Variants in RUVBL1 observed in about 807,000 individuals in gnomAD.
The protein encoded by RUVBL1 is RuvB like AAA ATPase 1.
Under a neutral mutation model 52.4 loss-of-function variants are expected in RUVBL1, and 4 were observed. That is an observed-to-expected ratio of 0.08 (90% CI 0.04 to 0.17). The LOEUF is 0.17. RUVBL1 is among the 10% of genes least tolerant of loss of function. The probability of loss-of-function intolerance (pLI) is 1.00; values close to 1 mark genes in which losing one functional copy is unlikely to be tolerated. For missense variants in RUVBL1, 298 were observed against 572.8 expected (o/e 0.52, Z 4.90); for synonymous variants, 217 against 214.4 (o/e 1.01, Z -0.10).
chr3:128,148,107 T>G (rs1189209509), intron 1 of RUVBL1, among the ~76,000 whole-genome samples: 2 of 150,624 alleles, frequency 1.3e-5, no homozygotes, highest in Non-Finnish European at 3.0e-5. Context: ...GTAGGAGGGG[T>G]TGATCATAAA....
chr3:128,117,310 G>T (rs1266561612), intron 2 of RUVBL1, among the ~76,000 whole-genome samples: 1 of 152,130 alleles, frequency 6.6e-6, no homozygotes, highest in Non-Finnish European at 1.5e-5. Context: ...TCTAGCCCAG[G>T]GTTTCTCAGC....
rs138313088 is a variant in RUVBL1 at position 128,107,944 on chromosome 3, G to A, written c.362-3020C>T. On this transcript the variant is annotated intron_variant, in intron 3 of 10. Coordinates refer to ENST00000322623, the MANE Select transcript of RUVBL1 (RefSeq NM_003707.3). ...CAAGGAGGGGAAGAAAGACATTCCC[G>A]TCTCTCACTAGCCCCCACATTTGTT... 7.8e-3 allele frequency among the ~76,000 whole-genome samples: 1,194 copies of A among 152,274 alleles called. 33 individuals carry two copies. The highest frequency in any genetic ancestry group is 0.075 in the East Asian group (387 of 5,180).
chr3:128,097,407 C>T lies in RUVBL1; in HGVS notation c.909G>A (p.Glu303=), dbSNP rs146101043. 3.1e-4 allele frequency: 503 copies of T among 1,614,150 alleles called. 1 individual carries two copies. In the African/African-American group the frequency reaches 5.9e-3, roughly 19 times the overall value. Residue 303 remains glutamate, a synonymous_variant, in exon 8 of 11, where the codon GAG becomes GAA. Transcript: ENST00000322623. ...AGCACTCAATGTCCAGCATGTGGACCTCATCAACAAACAGCACACCCGGGA... is the reference window on the plus strand; with the variant it reads ...AGCACTCAATGTCCAGCATGTGGACTTCATCAACAAACAGCACACCCGGGA... ...ELVPGVLFVD[E]VHMLDIECFT... is the part of the protein sequence containing the mutation.
chr3:128,138,290 T>A lies in RUVBL1; in HGVS notation c.-40+14913A>T, dbSNP rs113824550. On this transcript the variant is annotated intron_variant, in intron 1 of 9. Coordinates refer to the RUVBL1 transcript ENST00000464873. ...ATATGATCTTATATTTACAAAAAACTAAAGATTACATGCACACACACACAA... is the reference window on the plus strand; with the variant it reads ...ATATGATCTTATATTTACAAAAAACAAAAGATTACATGCACACACACACAA... Among the ~76,000 whole-genome samples, 534 of 151,994 alleles carry A rather than the reference T, an allele frequency of 3.5e-3. 1 individual carries two copies. The highest frequency in any genetic ancestry group is 0.012 in the African/African-American group (495 of 41,528).
rs78515864 is a variant in RUVBL1 at position 128,097,466 on chromosome 3, T to C, written c.850A>G (p.Asn284Asp). 6.2e-7 allele frequency: 1 copy of C among 1,614,184 alleles called. No individual in the cohort carries two copies. Among genetic ancestry groups the C allele is most frequent in the Non-Finnish European group, 8.5e-7 (1 of 1,180,034 alleles). The change falls in exon 8 of 11, where the codon AAC (asparagine) becomes GAC (aspartate). Residue 284 changes from asparagine to aspartate, a missense_variant. Physicochemically the swap from Asn to Asp is conservative, Grantham distance 23. Around this residue, in one of 5 missense-constraint regions of RUVBL1, gnomAD observed 161 missense variants for 298.3 expected, o/e 0.54. Transcript: ENST00000322623. ...KLRGEINKVV[N>D]KYIDQGIAEL... The stretch of plus-strand genomic sequence containing the variant: ...GCAATGCCCTGGTCGATGTACTTGT[T>C]CACCACCTTATTAATCTCCCCTCGA...
chr3:128,092,847 A>C (rs544912411), intron 8 of RUVBL1, among the ~76,000 whole-genome samples: 1 of 152,312 alleles, frequency 6.6e-6, no homozygotes, highest in East Asian at 1.9e-4. Flanking sequence ...TCCTAGGTAC[A>C]TAACCGAAAG....
intron 4 of RUVBL1, among the ~76,000 whole-genome samples, chr3:128,102,140 C>A (rs1943121855): frequency 6.6e-6 from 1 of 152,244 alleles, no homozygotes; most frequent in Admixed American, 6.5e-5. Context: ...CCTGCCAGCA[C>A]CTGCTTACCA....
chr3:128,139,794 C>T (rs1009472582), intron 1 of RUVBL1, among the ~76,000 whole-genome samples: 4 of 152,126 alleles, frequency 2.6e-5, no homozygotes, highest in Non-Finnish European at 5.9e-5. Context: ...TTTGTATGTT[C>T]TCACTCATTT....
At chr3:128,137,752 C>A (rs929729014) in intron 1 of RUVBL1, among the ~76,000 whole-genome samples, 1 of 152,160 alleles carries the variant, frequency 6.6e-6, no homozygotes, top group African/African-American at 2.4e-5. Context: ...AAGACAACTA[C>A]AGGCCAATAT....
intron 1 of RUVBL1, among the ~76,000 whole-genome samples, chr3:128,152,962 C>A (rs1456820058): frequency 3.0e-5 from 1 of 33,512 alleles, no homozygotes; most frequent in Non-Finnish European, 5.9e-5. Flanking sequence ...CTTCCCGCCC[C>A]CCCCGCCCCC....
At chr3:128,150,607 C>A (rs1944171222) in intron 1 of RUVBL1, among the ~76,000 whole-genome samples, 1 of 124,920 alleles carries the variant, frequency 8.0e-6, no homozygotes, top group East Asian at 2.1e-4. Flanking sequence ...TTTGACAGAA[C>A]TAATAGAATA....
intron 5 of RUVBL1, among the ~76,000 whole-genome samples, chr3:128,101,323 A>AT (rs1427226446): frequency 6.6e-6 from 1 of 152,118 alleles, no homozygotes; most frequent in East Asian, 1.9e-4. Context: ...AGGTTTTAGT[A>AT]TTTTTTCTAA....
intron 8 of RUVBL1, among the ~76,000 whole-genome samples, chr3:128,091,805 A>G (rs1289900034): frequency 6.6e-6 from 1 of 152,206 alleles, no homozygotes; most frequent in African/African-American, 2.4e-5. Flanking sequence ...AGCACTTCTG[A>G]GTCATGTTAA....
In RUVBL1 at chr3:128,082,367, C is replaced by T. The variant is rs1047103480; in HGVS notation, c.1211+116G>A. Reference sequence around the variant, plus strand: ...CTGGCACCCATCGCGCCAGGAAGAGCGGATGGATAGAGTCCCATGCCCTAG... The same window carrying T: ...CTGGCACCCATCGCGCCAGGAAGAGTGGATGGATAGAGTCCCATGCCCTAG... On this transcript the variant is annotated intron_variant, in intron 10 of 10. Coordinates refer to ENST00000322623, the MANE Select transcript of RUVBL1 (RefSeq NM_003707.3). This position sits in a 1 kb window ranked among gnomAD's most constrained non-coding sequence, Gnocchi z 4.7. 21 of 748,742 alleles carry T rather than the reference C, an allele frequency of 2.8e-5. No homozygotes were observed. The highest frequency in any genetic ancestry group is 1.3e-4 in the Admixed American group (6 of 45,002). 46.4% of individuals were successfully genotyped at this position (748,742 alleles called of 1,614,324 possible).
chr3:128,144,716 TAA>T (rs1944077428), intron 1 of RUVBL1, among the ~76,000 whole-genome samples: 1 of 152,190 alleles, frequency 6.6e-6, no homozygotes, highest in Non-Finnish European at 1.5e-5. Flanking sequence ...CTGCCTGGTC[TAA>T]AGCAAACTCA....
intron 3 of RUVBL1, among the ~76,000 whole-genome samples, chr3:128,109,328 T>C (rs1444598720): frequency 6.6e-6 from 1 of 152,194 alleles, no homozygotes; most frequent in East Asian, 1.9e-4. Flanking sequence ...AAAGGATTAC[T>C]TGAGGCCAGG....
In RUVBL1 at chr3:128,067,397, T is replaced by A. The variant is rs376372279; in HGVS notation, c.940-2177A>T. 20 of 1,598,978 alleles carry A rather than the reference T, an allele frequency of 1.3e-5. No homozygotes were observed. The African/African-American group carries it at 2.7e-4, about 22-fold the overall frequency. ...AAAGTAAAATGAAGGAGCACTCACA[T>A]GCGTTTGGTTTCTTCTTCCCCAGGA... On this transcript the variant is annotated intron_variant, in intron 9 of 9. Coordinates refer to the RUVBL1 transcript ENST00000464873. This position sits in a 1 kb window ranked among gnomAD's most constrained non-coding sequence, Gnocchi z 4.1.
At chr3:128,139,323 T>C (rs761806165) in intron 1 of RUVBL1, among the ~76,000 whole-genome samples, 1 of 152,086 alleles carries the variant, frequency 6.6e-6, no homozygotes, top group Non-Finnish European at 1.5e-5. Flanking sequence ...CCAGAATATA[T>C]AAGGAGCTCA....
downstream of RUVBL1, among the ~76,000 whole-genome samples, chr3:128,077,570 C>A (rs1406651179): frequency 2.0e-5 from 3 of 152,208 alleles, no homozygotes; most frequent in Non-Finnish European, 4.4e-5. Context: ...GGTCATTTCG[C>A]CCCCTCTGGC....
Sources: allele counts gnomAD v4.1 joint callset (sites outside exome capture counted in the v4.1 genomes callset), GRCh38; gene constraint gnomAD v4.1.1; regional missense constraint gnomAD v4.1.1; non-coding constraint Gnocchi (gnomAD v3.1); transcripts MANE v1.5; gene names NCBI Gene and HGNC (gene_info 2026-07-23, HGNC 2026-07-21).